Variants in PRKG1 observed in about 807,000 individuals in gnomAD.
PRKG1 encodes protein kinase cGMP-dependent 1.
In PRKG1, 35 loss-of-function variants were observed where a neutral mutation model predicts 88.1. The ratio of observed to expected loss-of-function variants is 0.40; its 90% CI spans 0.30 to 0.53. PRKG1 has a LOEUF of 0.53. Among genes scored for constraint, PRKG1 ranks in the 20% least tolerant of loss-of-function variants. PRKG1 has a pLI of 0.59. For synonymous variants in PRKG1, 303 were observed against 292.5 expected (o/e 1.04, Z -0.37); for missense variants, 540 against 839.8 (o/e 0.64, Z 4.41).
chr10:51,808,316 G>A (rs955781965), intron 4 of PRKG1, among the ~76,000 whole-genome samples: 1 of 151,858 alleles, frequency 6.6e-6, no homozygotes, highest in African/African-American at 2.4e-5. Context: ...TATGACTTCG[G>A]CTGGGTGTAG....
At chr10:51,800,821 C>A (rs1839153105) in intron 3 of PRKG1, among the ~76,000 whole-genome samples, 1 of 151,968 alleles carries the variant, frequency 6.6e-6, no homozygotes, top group South Asian at 2.1e-4. Flanking sequence ...TCTAAGGACA[C>A]TAATCCCATC....
chr10:52,289,676 T>G (rs1842196655), intron 16 of PRKG1, among the ~76,000 whole-genome samples: 1 of 125,580 alleles, frequency 8.0e-6, no homozygotes, highest in South Asian at 2.6e-4. Flanking sequence ...AACTTTAGTC[T>G]TTTTTGGTTC....
At chr10:51,796,624 T>G (rs1839019012) in intron 3 of PRKG1, among the ~76,000 whole-genome samples, 1 of 152,122 alleles carries the variant, frequency 6.6e-6, no homozygotes, top group Non-Finnish European at 1.5e-5. Flanking sequence ...CTGTGCTGGT[T>G]AATTTTGTGT....
rs10999796 is a variant in PRKG1 at position 51,858,399 on chromosome 10, A to T, written c.699-49108A>T. Among the ~76,000 whole-genome samples, 77 of 13,238 alleles carry T rather than the reference A, an allele frequency of 5.8e-3. 5 individuals are homozygous for T. The highest frequency in any genetic ancestry group is 0.01 in the African/African-American group (73 of 7,134). 8.7% of individuals were successfully genotyped at this position (13,238 alleles called of 152,430 possible). ...TATAAAATATATATATAATATATAT[A>T]ATATATATAAAATATATATATAATA... is the stretch of plus-strand genomic sequence containing the variant. On this transcript the variant is annotated intron_variant, in intron 4 of 17. Transcript: ENST00000373980.
chr10:52,029,644 TC>T (rs1344622532), intron 5 of PRKG1, among the ~76,000 whole-genome samples: 2 of 152,152 alleles, frequency 1.3e-5, no homozygotes, highest in African/African-American at 4.8e-5. Context: ...AACACTGGGA[TC>T]ACTTGGAGAA....
chr10:52,118,577 T>G (rs1335728688), intron 7 of PRKG1, among the ~76,000 whole-genome samples: 3 of 152,068 alleles, frequency 2.0e-5, no homozygotes, highest in Non-Finnish European at 2.9e-5. Context: ...AATTGATATG[T>G]TTAATAATTC....
intron 4 of PRKG1, among the ~76,000 whole-genome samples, chr10:51,817,918 T>G (rs1296350110): frequency 6.6e-6 from 1 of 152,200 alleles, no homozygotes; most frequent in African/African-American, 2.4e-5. Context: ...AGTCAATTGC[T>G]TCTTAAAGGT....
intron 3 of PRKG1, among the ~76,000 whole-genome samples, chr10:51,534,009 G>A (rs1842080645): frequency 2.0e-5 from 3 of 152,190 alleles, no homozygotes; most frequent in Non-Finnish European, 1.5e-5. Flanking sequence ...AAACTCGGAT[G>A]ATCTTCCATA....
intron 3 of PRKG1, among the ~76,000 whole-genome samples, chr10:51,678,520 C>A (rs908673189): frequency 6.6e-6 from 1 of 152,116 alleles, no homozygotes; most frequent in African/African-American, 2.4e-5. Flanking sequence ...ACAGGAAATT[C>A]TAATATGCAG....
chr10:52,209,445 T>C (rs940376200), intron 9 of PRKG1, among the ~76,000 whole-genome samples: 3 of 152,168 alleles, frequency 2.0e-5, no homozygotes, highest in Non-Finnish European at 2.9e-5. Context: ...GATTTTACCT[T>C]GAGTTGTCTA....
At chr10:51,740,129 G>A (rs1837394691) in intron 3 of PRKG1, among the ~76,000 whole-genome samples, 1 of 152,176 alleles carries the variant, frequency 6.6e-6, no homozygotes, top group African/African-American at 2.4e-5. Context: ...CTGGGCTCAA[G>A]TGATCCCCCC....
At chr10:51,689,457 G>C (rs58745045) in intron 3 of PRKG1, among the ~76,000 whole-genome samples, 4,395 of 152,184 alleles carry the variant, frequency 0.029, 181 homozygotes, top group African/African-American at 0.097. Context: ...AATATAACAT[G>C]GGCATAATGA....
Position 51,516,270 on chromosome 10 carries a change from G to A in PRKG1, c.592+48434G>A, listed in dbSNP as rs561224767. Among the ~76,000 whole-genome samples the A allele has an allele frequency of 7.2e-5, 11 of 152,224 alleles. No homozygotes were observed. The South Asian group carries it at 2.3e-3, about 32-fold the overall frequency. ...CTCTGCCTCTCTCTTCTGAAGCCAG[G>A]TTGCCTCTTTCCAATGTCTAGCTGC... On this transcript the variant is annotated intron_variant, in intron 3 of 17. Coordinates refer to ENST00000373980, the MANE Select transcript of PRKG1 (RefSeq NM_006258.4).
At chr10:51,189,042 A>T (rs867222566) in intron 2 of PRKG1, among the ~76,000 whole-genome samples, 3 of 151,894 alleles carry the variant, frequency 2.0e-5, no homozygotes, top group South Asian at 4.2e-4. Flanking sequence ...GAAAGTCATA[A>T]CCTATTGAGG....
chr10:51,639,382 C>T (rs1408712607), intron 3 of PRKG1, among the ~76,000 whole-genome samples: 3 of 136,480 alleles, frequency 2.2e-5, no homozygotes, highest in Non-Finnish European at 3.1e-5. Flanking sequence ...TGCAGTGAGC[C>T]GAGATAGTGC....
intron 3 of PRKG1, among the ~76,000 whole-genome samples, chr10:51,765,815 ATTTTTTTTTT>A (rs398046339): frequency 7.4e-6 from 1 of 134,614 alleles, no homozygotes; most frequent in African/African-American, 2.7e-5. Context: ...GCCTTACATG[ATTTTTTTTTT>A]TTTTTTTTTT....
At chr10:52,229,730 T>C (rs2132349147) in intron 9 of PRKG1, among the ~76,000 whole-genome samples, 1 of 152,268 alleles carries the variant, frequency 6.6e-6, no homozygotes, top group Non-Finnish European at 1.5e-5. Context: ...CAGGGAATAG[T>C]TGAAGGTAAG....
At chr10:52,226,594 A>G (rs1416923031) in intron 9 of PRKG1, among the ~76,000 whole-genome samples, 2 of 152,198 alleles carry the variant, frequency 1.3e-5, no homozygotes. Context: ...TGTCATAACC[A>G]GACATACAAT....
chr10:51,548,557 G>A (rs939971120), intron 3 of PRKG1, among the ~76,000 whole-genome samples: 19 of 152,158 alleles, frequency 1.2e-4, no homozygotes, highest in Non-Finnish European at 2.2e-4. Flanking sequence ...AGTTTTGACT[G>A]TTCTTATTTT....
Sources: gnomAD v4.1 joint callset for allele counts (sites outside exome capture counted in the v4.1 genomes callset) on GRCh38, gnomAD v4.1.1 for gene constraint, MANE v1.5 for transcripts, NCBI Gene and HGNC (gene_info 2026-07-23, HGNC 2026-07-21) for gene names.